ATP8A1: variants seen among roughly 807,000 people sequenced by gnomAD.
ATP8A1 encodes ATPase phospholipid transporting 8A1.
In ATP8A1, 90 loss-of-function variants were observed where a neutral mutation model predicts 177.7. That is an observed-to-expected ratio of 0.51 (90% confidence interval 0.43 to 0.60). ATP8A1 has a LOEUF of 0.60. Ranked by LOEUF, ATP8A1 falls within the 20% of genes least tolerant of loss-of-function variation. ATP8A1 has a pLI of 0.00. For missense variants in ATP8A1, 1,072 were observed against 1,392.8 expected (o/e 0.77, Z 3.67); for synonymous variants, 493 against 485.9 (o/e 1.01, Z -0.19).
At chr4:42,559,011 C>CA (rs1158135403) in intron 15 of ATP8A1, among the ~76,000 whole-genome samples, 2 of 152,042 alleles carry the variant, frequency 1.3e-5, no homozygotes, top group South Asian at 2.1e-4. Flanking sequence ...CCTGTCTCTG[C>CA]AAAAAATTAA....
At chr4:42,488,764 T>C (rs1722457104) in intron 24 of ATP8A1, among the ~76,000 whole-genome samples, 2 of 152,104 alleles carry the variant, frequency 1.3e-5, no homozygotes, top group Non-Finnish European at 2.9e-5. Flanking sequence ...ATCTGCTGCC[T>C]TCAAAAACCA....
rs913802006 is a variant in ATP8A1, at chr4:42,499,640, A to G, written c.2151+3810T>C. On this transcript the variant is annotated intron_variant, in intron 24 of 36. Coordinates refer to ENST00000381668, the MANE Select transcript of ATP8A1 (RefSeq NM_006095.2). ...AACATGTCTTCAAAATTTTTCTCCC[A>G]CAAGAGGAAACTTAGACCAAACCTA... Among the ~76,000 whole-genome samples the G allele has an allele frequency of 4.6e-5, 7 of 152,352 alleles. No homozygotes were observed. In the South Asian group the frequency reaches 1.2e-3, roughly 27 times the overall value.
At position 42,657,095 on chromosome 4, in the gene ATP8A1, G is replaced by A. The variant is rs1244019690; in HGVS notation, c.-222C>T. ...GAAGGTGGCGGCGCCCGCAGAGCTG[G>A]GCGAGCTCTTGCTGCAGCCGCGGAG... On this transcript the variant is annotated 5_prime_UTR_variant, in exon 1 of 37. Transcript: ENST00000381668. 7.6e-6 allele frequency: 3 copies of A among 396,860 alleles called. No homozygotes were observed. The highest frequency in any genetic ancestry group is 1.4e-4 in the South Asian group (1 of 7,304). The allele number at this position is 396,860 out of a possible 1,614,324, so 24.6% of individuals were successfully genotyped here.
chr4:42,568,478 A>C (rs1273535799), intron 15 of ATP8A1, among the ~76,000 whole-genome samples: 2 of 152,234 alleles, frequency 1.3e-5, no homozygotes, highest in Non-Finnish European at 2.9e-5. Flanking sequence ...TTATAGAAAT[A>C]TCAAAATAAA....
Position 42,443,600 on chromosome 4 carries a change from G to T in ATP8A1, c.3088C>A (p.Pro1030Thr). The T allele has an allele frequency of 2.0e-6, 3 of 1,518,432 alleles. No homozygotes were observed. Among genetic ancestry groups the T allele is most frequent in the Non-Finnish European group, 2.7e-6 (3 of 1,092,798 alleles). The allele number at this position is 1,518,432 out of a possible 1,614,324, so 94.1% of individuals were successfully genotyped here. The change falls in exon 33 of 37, where the codon CCT (proline) becomes ACT (threonine). Residue 1030 changes from proline (P) to threonine (T), a missense_variant. Coordinates refer to ENST00000381668, the MANE Select transcript of ATP8A1 (RefSeq NM_006095.2). ...ATATCAGGGGCCATCGGAATGGCAG[G>T]CCACAGAGATGAGTAGATTCCAAAA... ...VFFGIYSSLW[P>T]AIPMAPDMSG...
chr4:42,613,163 C>T (rs1736540888), intron 5 of ATP8A1, among the ~76,000 whole-genome samples: 1 of 152,160 alleles, frequency 6.6e-6, no homozygotes, highest in African/African-American at 2.4e-5. Context: ...AAACAGTATC[C>T]TACTCGAACA....
chr4:42,466,031 CAAAAAAAAAA>C (rs57949092), intron 25 of ATP8A1, among the ~76,000 whole-genome samples: 24 of 108,102 alleles, frequency 2.2e-4, no homozygotes, highest in East Asian at 9.2e-4. Context: ...GACTCCGTCT[CAAAAAAAAAA>C]AAAAAAAAAA....
chr4:42,644,532 G>A (rs1272586082), intron 1 of ATP8A1, among the ~76,000 whole-genome samples: 1 of 152,114 alleles, frequency 6.6e-6, no homozygotes, highest in Admixed American at 6.6e-5. Context: ...TCTAAATGCA[G>A]AGACAAATAA....
chr4:42,516,382 T>C (rs1441726428), intron 22 of ATP8A1, among the ~76,000 whole-genome samples: 3 of 152,092 alleles, frequency 2.0e-5, no homozygotes, highest in Non-Finnish European at 4.4e-5. Context: ...GATAAAAGCA[T>C]TGGATAAGTT....
chr4:42,532,253 G>A (rs1031950218), intron 20 of ATP8A1, among the ~76,000 whole-genome samples: 7 of 152,114 alleles, frequency 4.6e-5, no homozygotes, highest in African/African-American at 1.7e-4. Flanking sequence ...GGGAGGCCGA[G>A]GTGGGCTGAT....
At chr4:42,429,803 A>G (rs377392034) in intron 33 of ATP8A1, among the ~76,000 whole-genome samples, 3 of 152,376 alleles carry the variant, frequency 2.0e-5, no homozygotes, top group East Asian at 3.9e-4. Context: ...TTTCAAAGAC[A>G]TGAAATTCTG....
chr4:42,551,292 A>G lies in ATP8A1; in HGVS notation c.1520-12T>C. On this transcript the variant is annotated splice_polypyrimidine_tract_variant and intron_variant, in intron 17 of 36. Coordinates refer to ENST00000381668, the MANE Select transcript of ATP8A1 (RefSeq NM_006095.2). Reference sequence around the variant, plus strand: ...CAATGCTCCCTCATCTGTTTTAGAAAAAGAGGTAAAAGCAAACACATGATT... The same window carrying G: ...CAATGCTCCCTCATCTGTTTTAGAAGAAGAGGTAAAAGCAAACACATGATT... The G allele has an allele frequency of 6.2e-7, 1 of 1,601,370 alleles. No homozygotes were observed. Among genetic ancestry groups the G allele is most frequent in the South Asian group, 1.1e-5 (1 of 90,734 alleles).
intron 10 of ATP8A1, among the ~76,000 whole-genome samples, chr4:42,580,373 A>C (rs1279350058): frequency 6.6e-6 from 1 of 152,238 alleles, no homozygotes; most frequent in Non-Finnish European, 1.5e-5. Flanking sequence ...TGCTCCCGCA[A>C]ACAGGCACCT....
chr4:42,481,451 C>G (rs1040670110), intron 25 of ATP8A1, among the ~76,000 whole-genome samples: 6 of 152,136 alleles, frequency 3.9e-5, no homozygotes, highest in Admixed American at 3.9e-4. Flanking sequence ...AAAACCAAGG[C>G]CAGAGAGATT....
chr4:42,447,189 T>C (rs1006521926), intron 30 of ATP8A1, among the ~76,000 whole-genome samples: 1 of 152,194 alleles, frequency 6.6e-6, no homozygotes. Context: ...TTTATTTCTA[T>C]TTATTTATTT....
intron 1 of ATP8A1, among the ~76,000 whole-genome samples, chr4:42,654,898 T>C (rs2612524): frequency 0.41 from 62,082 of 152,066 alleles, 14,251 homozygotes; most frequent in African/African-American, 0.63. Context: ...GACTATATTT[T>C]TTAGGAAAGA....
At chr4:42,569,055 TTA>T (rs979553858) in intron 15 of ATP8A1, 104 bp downstream of exon 15, 3 of 474,470 alleles carry the variant, frequency 6.3e-6, no homozygotes, top group African/African-American at 2.1e-5. Flanking sequence ...AATATTTTAT[TTA>T]TATATATATA....
intron 1 of ATP8A1, among the ~76,000 whole-genome samples, chr4:42,635,898 T>C (rs1265484769): frequency 6.7e-6 from 1 of 149,314 alleles, no homozygotes; most frequent in Non-Finnish European, 1.5e-5. Context: ...TTGAGGAAGA[T>C]CTAAGGCAGC....
intron 7 of ATP8A1, among the ~76,000 whole-genome samples, chr4:42,588,885 T>C (rs1733887503): frequency 6.6e-6 from 1 of 152,214 alleles, no homozygotes; most frequent in African/African-American, 2.4e-5. Flanking sequence ...ATGAACAAAT[T>C]TTACAATGAA....
Sources: gnomAD v4.1 joint callset for allele counts (sites outside exome capture counted in the v4.1 genomes callset) on GRCh38, gnomAD v4.1.1 for gene constraint, MANE v1.5 for transcripts, NCBI Gene and HGNC (gene_info 2026-07-23, HGNC 2026-07-21) for gene names.